The following C4orf51 variants were observed in gnomAD, a reference collection of about 807,000 sequenced individuals.
C4orf51 encodes the protein uncharacterized protein C4orf51.
In C4orf51, 25 loss-of-function variants were observed where a neutral mutation model predicts 25.2. The observed-to-expected ratio is 0.99, with a 90% CI of 0.72 to 1.39. C4orf51 has a LOEUF of 1.39. C4orf51 is among the 40% of genes most tolerant of loss of function. The pLI, the probability that C4orf51 is intolerant of heterozygous loss-of-function variation, is 0.00. For missense variants in C4orf51, 252 were observed against 239.6 expected, an observed-to-expected ratio of 1.05 and a Z score of -0.34; for synonymous variants, 100 against 84.5, an observed-to-expected ratio of 1.18 and a Z score of -1.01.
intron 4 of C4orf51, 85 bp from the exon 5 acceptor site, chr4:145,729,807 A>G: frequency 8.9e-7 from 1 of 1,124,214 alleles, no homozygotes; most frequent in Non-Finnish European, 1.4e-6. Flanking sequence ...GATTTAAAAC[A>G]AGGTTTGGGA....
intron 1 of C4orf51, among the ~76,000 whole-genome samples, chr4:145,739,285 A>G (rs766065995): frequency 9.2e-5 from 14 of 152,254 alleles, no homozygotes; most frequent in African/African-American, 2.9e-4. Flanking sequence ...TGCAGTGACC[A>G]AAGTTATAGC....
Position 145,729,162 on chromosome 4 carries a change from T to C in C4orf51, c.367-7T>C, listed in dbSNP as rs757249254. 2 of 1,586,268 alleles carry C rather than the reference T, an allele frequency of 1.3e-6. No homozygotes were observed. The highest frequency in any genetic ancestry group is 2.2e-5 in the East Asian group (1 of 44,764). On this transcript the variant is annotated splice_region_variant and splice_polypyrimidine_tract_variant and intron_variant, in intron 3 of 5. Coordinates refer to ENST00000438731, the MANE Select transcript of C4orf51 (RefSeq NM_001080531.3). The stretch of plus-strand genomic sequence containing the variant: ...TTGGTATTTATTTCTATCTCTCCTT[T>C]TTATAGGCACATCAAATTTGGGATT...
chr4:145,779,589 A>G, the C4orf51 span: 1 of 1,547,258 alleles, frequency 6.5e-7, no homozygotes, highest in Non-Finnish European at 8.7e-7. Context: ...TCAGGATTTC[A>G]GCAGAGCCTT....
intron 2 of C4orf51, among the ~76,000 whole-genome samples, chr4:145,724,830 GCCATGATCATGCACT>G (rs1160187423): frequency 5.2e-5 from 7 of 135,736 alleles, no homozygotes; most frequent in Non-Finnish European, 9.1e-5. Flanking sequence ...GTTGCAGTGA[GCCATGATCATGCACT>G]GCACTCCAGC....
intron 2 of C4orf51, among the ~76,000 whole-genome samples, chr4:145,719,189 C>A (rs1391711690): frequency 2.0e-5 from 3 of 152,138 alleles, no homozygotes; most frequent in Non-Finnish European, 2.9e-5. Context: ...TTTTTATGGT[C>A]CTTCCATGGT....
intron 2 of C4orf51, among the ~76,000 whole-genome samples, chr4:145,699,279 G>C (rs1730275884): frequency 9.5e-6 from 1 of 105,380 alleles, no homozygotes; most frequent in Non-Finnish European, 1.9e-5. Flanking sequence ...AAGAAATTTG[G>C]TGCCGTGACT....
chr4:145,752,671 G>A (rs1030149317), intron 1 of C4orf51, among the ~76,000 whole-genome samples: 5 of 152,106 alleles, frequency 3.3e-5, no homozygotes, highest in South Asian at 2.1e-4. Flanking sequence ...TCAGTAGGTC[G>A]TATACCCTCT....
At chr4:145,770,497 C>T (rs1363581408) in intron 1 of C4orf51, among the ~76,000 whole-genome samples, 1 of 151,522 alleles carries the variant, frequency 6.6e-6, no homozygotes, top group Non-Finnish European at 1.5e-5. Flanking sequence ...GGTTGTGATA[C>T]TTAAATAGGT....
chr4:145,749,603 G>A (rs1184793239), intron 1 of C4orf51, among the ~76,000 whole-genome samples: 1 of 151,810 alleles, frequency 6.6e-6, no homozygotes, highest in Admixed American at 6.6e-5. Flanking sequence ...AAGTTACTAT[G>A]AGATTTGTAA....
At chr4:145,741,030 T>G (rs1257151776) in intron 1 of C4orf51, among the ~76,000 whole-genome samples, 1 of 152,150 alleles carries the variant, frequency 6.6e-6, no homozygotes, top group Non-Finnish European at 1.5e-5. Flanking sequence ...AGCCTAGAAT[T>G]TGAGATCCCC....
intron 2 of C4orf51, among the ~76,000 whole-genome samples, chr4:145,707,094 G>T (rs189286505): frequency 6.6e-6 from 1 of 152,150 alleles, no homozygotes; most frequent in Non-Finnish European, 1.5e-5. Flanking sequence ...TGGGCCACCA[G>T]GCATGAGCCA....
At chr4:145,717,037 G>A (rs1731455774) in intron 2 of C4orf51, among the ~76,000 whole-genome samples, 1 of 152,186 alleles carries the variant, frequency 6.6e-6, no homozygotes, top group Non-Finnish European at 1.5e-5. Context: ...AGTAAGTTAA[G>A]GTGACAGCAC....
chr4:145,728,068 A>ACG (rs1553966930), intron 3 of C4orf51, among the ~76,000 whole-genome samples: 3 of 141,326 alleles, frequency 2.1e-5, no homozygotes, highest in African/African-American at 2.7e-5. Flanking sequence ...ACACACACAC[A>ACG]CGCCATATAA....
chr4:145,719,817 A>C (rs1192653374), intron 2 of C4orf51, among the ~76,000 whole-genome samples: 1 of 152,158 alleles, frequency 6.6e-6, no homozygotes, highest in Non-Finnish European at 1.5e-5. Context: ...GCAAACCCCA[A>C]ATCTGAAACG....
At chr4:145,701,603 G>A (rs558480524) in intron 2 of C4orf51, among the ~76,000 whole-genome samples, 3 of 151,606 alleles carry the variant, frequency 2.0e-5, no homozygotes, top group South Asian at 2.1e-4. Context: ...AGACCATCAC[G>A]GATGCCGAGC....
chr4:145,687,659 G>A (rs1729254882), intron 1 of C4orf51, among the ~76,000 whole-genome samples: 1 of 152,184 alleles, frequency 6.6e-6, no homozygotes, highest in African/African-American at 2.4e-5. Flanking sequence ...TGTTTGAAAA[G>A]CAATGATTTT....
intron 1 of C4orf51, among the ~76,000 whole-genome samples, chr4:145,738,197 C>G (rs1732904077): frequency 6.6e-6 from 1 of 152,168 alleles, no homozygotes; most frequent in Non-Finnish European, 1.5e-5. Context: ...CGCCTGTAAT[C>G]CCAGCACTTT....
At chr4:145,744,546 G>A (rs903714613) in intron 1 of C4orf51, among the ~76,000 whole-genome samples, 6 of 151,044 alleles carry the variant, frequency 4.0e-5, no homozygotes, top group Non-Finnish European at 8.9e-5. Flanking sequence ...CCTTGGCTGG[G>A]CGCGGTGGCT....
intron 2 of C4orf51, among the ~76,000 whole-genome samples, chr4:145,717,413 C>T (rs1434901818): frequency 1.3e-5 from 2 of 152,188 alleles, no homozygotes; most frequent in South Asian, 2.1e-4. Flanking sequence ...TGTTGCCTCT[C>T]TTCATTAAGA....
Sources: gnomAD v4.1 joint callset for allele counts (sites outside exome capture counted in the v4.1 genomes callset) on GRCh38, gnomAD v4.1.1 for gene constraint, MANE v1.5 for transcripts, NCBI Gene and HGNC (gene_info 2026-07-23, HGNC 2026-07-21) for gene names.